The following ACTR3B variants were observed in gnomAD, a reference collection of about 807,000 sequenced individuals.
ACTR3B encodes the protein actin-related protein 3B.
Under a neutral mutation model 59.0 loss-of-function variants are expected in ACTR3B, and 8 were observed. The observed-to-expected ratio is 0.14, with a 90% CI of 0.08 to 0.24. ACTR3B has a LOEUF of 0.24. Ranked by LOEUF, ACTR3B falls within the 10% of genes least tolerant of loss-of-function variation. The pLI, the probability that ACTR3B is intolerant of heterozygous loss-of-function variation, is 1.00. For synonymous variants in ACTR3B, 148 were observed against 197.9 expected (o/e 0.75, Z 2.12); for missense variants, 245 against 552.3 (o/e 0.44, Z 5.58).
intron 1 of ACTR3B, among the ~76,000 whole-genome samples, chr7:152,773,077 GA>G (rs1221582325): frequency 1.3e-5 from 2 of 151,914 alleles, no homozygotes; most frequent in Non-Finnish European, 2.9e-5. Flanking sequence ...TTGAGAGGAA[GA>G]AAAGCAACCA....
In ACTR3B at chr7:152,800,298, T is replaced by C. The variant is rs201937587; in HGVS notation, c.101-233T>C. 9.8e-5 allele frequency among the ~76,000 whole-genome samples: 15 copies of C among 152,348 alleles called. No homozygotes were observed. In the East Asian group the frequency reaches 2.5e-3, roughly 26 times the overall value. ...AATGGACCTTCTGTCAGTATAAAAG[T>C]AGAGCAGCTCATTTCCTTTGTCCCA... On this transcript the variant is annotated intron_variant, in intron 2 of 11. Transcript: ENST00000256001.
chr7:152,797,517 T>G (rs1461684627), intron 2 of ACTR3B, among the ~76,000 whole-genome samples: 6 of 152,226 alleles, frequency 3.9e-5, no homozygotes, highest in Non-Finnish European at 8.8e-5. Flanking sequence ...CTTCATATAG[T>G]CATCATTTTT....
chr7:152,763,652 G>C (rs1433220338), intron 1 of ACTR3B, among the ~76,000 whole-genome samples: 1 of 152,054 alleles, frequency 6.6e-6, no homozygotes, highest in African/African-American at 2.4e-5. Flanking sequence ...CTTGAATCCT[G>C]ATCTCAAGCA....
At chr7:152,801,989 C>T (rs1167777219) in intron 4 of ACTR3B, among the ~76,000 whole-genome samples, 1 of 152,064 alleles carries the variant, frequency 6.6e-6, no homozygotes, top group Non-Finnish European at 1.5e-5. Context: ...GCACATGCAG[C>T]CTAGGGCACT....
At chr7:152,773,222 A>G (rs1210648241) in intron 1 of ACTR3B, among the ~76,000 whole-genome samples, 1 of 150,764 alleles carries the variant, frequency 6.6e-6, no homozygotes, top group Non-Finnish European at 1.5e-5. Flanking sequence ...TTTCTGTACT[A>G]AACAAAAACT....
intron 7 of ACTR3B, 149 bp from the exon 8 acceptor site, chr7:152,823,193 G>C: frequency 9.5e-7 from 1 of 1,055,514 alleles, no homozygotes; most frequent in East Asian, 2.6e-5. Flanking sequence ...GATGGAATGT[G>C]AGGCTTGATG....
chr7:152,848,030 A>G (rs565695549), intron 9 of ACTR3B, among the ~76,000 whole-genome samples: 1 of 152,204 alleles, frequency 6.6e-6, no homozygotes, highest in Non-Finnish European at 1.5e-5. Flanking sequence ...CCAGTGATAG[A>G]ATTTAGGAGA....
rs768763149 is a variant in ACTR3B, at chr7:152,814,652, C to T, written c.432+7C>T. 17 of 1,608,696 alleles carry T rather than the reference C, an allele frequency of 1.1e-5. No individual in the cohort carries two copies. In the Admixed American group the frequency reaches 2.5e-4, roughly 24 times the overall value. On this transcript the variant is annotated splice_region_variant and intron_variant, in intron 5 of 11. Transcript: ENST00000256001. ...ACTCTACATTGCAGTTCAGGTAAAA[C>T]CAGTTACGTTTGTGATTCCTAAAGC... is the stretch of plus-strand genomic sequence containing the variant.
chr7:152,760,180 C>G (rs2098084820), intron 1 of ACTR3B, among the ~76,000 whole-genome samples: 2 of 152,036 alleles, frequency 1.3e-5, no homozygotes, highest in South Asian at 4.1e-4. Context: ...TCTGAGCGAG[C>G]CCGGCGCTCC....
intron 1 of ACTR3B, among the ~76,000 whole-genome samples, chr7:152,782,913 G>A (rs1158855522): frequency 1.3e-5 from 2 of 151,636 alleles, no homozygotes; most frequent in Non-Finnish European, 2.9e-5. Context: ...AAGTTATTAG[G>A]GATGCATAAA....
At position 152,820,876 on chromosome 7, in the gene ACTR3B, G is replaced by A. The variant is rs559079174; in HGVS notation, c.684+434G>A. The stretch of plus-strand genomic sequence containing the variant: ...GTGTGGCTGTGACGTGTGGCCATAA[G>A]CATCTTCTTCCTTTATGGCACAGTT... On this transcript the variant is annotated intron_variant, in intron 7 of 11. Transcript: ENST00000256001. 3.8e-3 allele frequency among the ~76,000 whole-genome samples: 574 copies of A among 152,380 alleles called. 2 individuals are homozygous for A. The highest frequency in any genetic ancestry group is 4.3e-3 in the Non-Finnish European group (292 of 68,044).
intron 9 of ACTR3B, among the ~76,000 whole-genome samples, chr7:152,829,926 C>T (rs1590394118): frequency 6.6e-6 from 1 of 152,130 alleles, no homozygotes; most frequent in African/African-American, 2.4e-5. Context: ...GTACAAGACA[C>T]TGTTGTTAAA....
intron 9 of ACTR3B, among the ~76,000 whole-genome samples, chr7:152,826,969 TCA>T (rs1796622054): frequency 6.6e-6 from 1 of 152,064 alleles, no homozygotes; most frequent in East Asian, 1.9e-4. Context: ...TCCCACTGTA[TCA>T]CACTGAAAAT....
chr7:152,817,431 T>C (rs1795792748), intron 6 of ACTR3B, among the ~76,000 whole-genome samples: 1 of 152,218 alleles, frequency 6.6e-6, no homozygotes, highest in South Asian at 2.1e-4. Flanking sequence ...ACATTTTGGC[T>C]TGCAGAAGGC....
At chr7:152,830,837 C>T (rs533476739) in intron 9 of ACTR3B, among the ~76,000 whole-genome samples, 2 of 152,318 alleles carry the variant, frequency 1.3e-5, no homozygotes, top group South Asian at 4.2e-4. Flanking sequence ...GCGTGAACCA[C>T]TGCGCCGGCT....
chr7:152,770,212 A>G (rs2098120692), intron 1 of ACTR3B, among the ~76,000 whole-genome samples: 1 of 152,146 alleles, frequency 6.6e-6, no homozygotes, highest in Admixed American at 6.5e-5. Flanking sequence ...AGAAGAAAAC[A>G]GCTAAAATTC....
At chr7:152,842,526 C>T (rs901162636) in intron 9 of ACTR3B, among the ~76,000 whole-genome samples, 4 of 152,086 alleles carry the variant, frequency 2.6e-5, no homozygotes, top group Admixed American at 6.6e-5. Flanking sequence ...GAGCGGGAGC[C>T]GCAGATAATG....
chr7:152,828,139 C>T (rs1255452716), intron 9 of ACTR3B, among the ~76,000 whole-genome samples: 2 of 152,212 alleles, frequency 1.3e-5, no homozygotes, highest in Non-Finnish European at 2.9e-5. Context: ...AAGCCTCGTT[C>T]TAATACTGTC....
In ACTR3B at chr7:152,824,738, TTAG is replaced by T. The variant is rs1796439848; in HGVS notation, c.859-288_859-286del. Reference sequence around the variant, plus strand: ...ATCGTGCACATACTCTCCACTGCTCTTAGTAGACTGAATCACTGTGTATTCATG... The same window carrying T: ...ATCGTGCACATACTCTCCACTGCTCTTAGACTGAATCACTGTGTATTCATG... On this transcript the variant is annotated intron_variant, in intron 8 of 11. Coordinates refer to ENST00000256001, the MANE Select transcript of ACTR3B (RefSeq NM_020445.6). The surrounding 1 kb of genome is among the most constrained non-coding windows in gnomAD (Gnocchi z 4.2). Among the ~76,000 whole-genome samples, 1 of 152,242 alleles carries T rather than the reference TTAG, an allele frequency of 6.6e-6. No homozygotes were observed. Among genetic ancestry groups the T allele is most frequent in the African/African-American group, 2.4e-5 (1 of 41,464 alleles).
Sources: gnomAD v4.1 joint callset for allele counts (sites outside exome capture counted in the v4.1 genomes callset) on GRCh38, gnomAD v4.1.1 for gene constraint, Gnocchi (gnomAD v3.1) non-coding constraint, MANE v1.5 for transcripts, NCBI Gene and HGNC (gene_info 2026-07-23, HGNC 2026-07-21) for gene names.